The following CACNA1C variants were observed in gnomAD, a reference collection of about 807,000 sequenced individuals.
CACNA1C encodes the protein calcium voltage-gated channel subunit alpha1 C.
In CACNA1C, 30 loss-of-function variants were observed where a neutral mutation model predicts 229.0. That is an observed-to-expected ratio of 0.13 (90% CI 0.10 to 0.18). The LOEUF is 0.18. CACNA1C is among the 10% of genes least tolerant of loss of function. The pLI, the probability that CACNA1C is intolerant of heterozygous loss-of-function variation, is 1.00. For synonymous variants in CACNA1C, 1,114 were observed against 1,132.5 expected, an observed-to-expected ratio of 0.98 and a Z score of 0.33; for missense variants, 1,658 against 2,845.0, an observed-to-expected ratio of 0.58 and a Z score of 9.49.
At chr12:2,540,557 A>G (rs2099867235) in intron 9 of CACNA1C, among the ~76,000 whole-genome samples, 1 of 152,144 alleles carries the variant, frequency 6.6e-6, no homozygotes, top group Admixed American at 6.5e-5. Context: ...CCTCCCCTCC[A>G]CTGCTGTGGT....
intron 11 of CACNA1C, among the ~76,000 whole-genome samples, chr12:2,558,262 C>T (rs1309453681): frequency 6.6e-6 from 1 of 152,252 alleles, no homozygotes; most frequent in Non-Finnish European, 1.5e-5. Context: ...GATGCTTGCT[C>T]ATCTCTGCTG....
intron 3 of CACNA1C, among the ~76,000 whole-genome samples, chr12:2,313,975 C>G (rs1042890950): frequency 6.6e-6 from 1 of 152,218 alleles, no homozygotes; most frequent in East Asian, 1.9e-4. Context: ...ATATCAACAG[C>G]CTGCCTGCTG....
At chr12:2,567,864 G>A in intron 13 of CACNA1C, 70 bp downstream of exon 13, 1 of 907,490 alleles carries the variant, frequency 1.1e-6, no homozygotes, top group South Asian at 1.6e-5. Flanking sequence ...CAAGGGAGGT[G>A]GCAAGGCCTG....
At chr12:1,983,568 A>G (rs1465978940) in intron 1 of CACNA1C, among the ~76,000 whole-genome samples, 1 of 152,120 alleles carries the variant, frequency 6.6e-6, no homozygotes, top group South Asian at 2.1e-4. Context: ...ATTTAATTCT[A>G]TTGTGGTCCC....
intron 37 of CACNA1C, among the ~76,000 whole-genome samples, chr12:2,667,635 C>G (rs2096276689): frequency 6.6e-6 from 1 of 152,130 alleles, no homozygotes; most frequent in Admixed American, 6.5e-5. Context: ...AAACACCATG[C>G]AAGGCAAGGG....
chr12:2,508,157 C>A (rs1268998860), intron 8 of CACNA1C, among the ~76,000 whole-genome samples: 1 of 152,242 alleles, frequency 6.6e-6, no homozygotes, highest in East Asian at 1.9e-4. Flanking sequence ...GCACTGCAGT[C>A]TTGGAGCCTT....
At chr12:2,584,699 T>A in intron 16 of CACNA1C, 82 bp downstream of exon 16, 3 of 940,196 alleles carry the variant, frequency 3.2e-6, no homozygotes, top group Non-Finnish European at 3.3e-6. Flanking sequence ...GAGAGAGGCT[T>A]GACTGCTAGC....
intron 9 of CACNA1C, among the ~76,000 whole-genome samples, chr12:2,545,815 G>A (rs9738570): frequency 0.085 from 12,975 of 152,210 alleles, 609 homozygotes; most frequent in Non-Finnish European, 0.11. Context: ...TAGTGACCTC[G>A]CAGAGGCACA....
At chr12:2,338,365 G>A (rs73605771) in intron 3 of CACNA1C, among the ~76,000 whole-genome samples, 13,749 of 152,192 alleles carry the variant, frequency 0.09, 1,866 homozygotes, top group African/African-American at 0.29. Context: ...GGCGCCTTGT[G>A]CACAAGGGTC....
rs1021255393 is a variant in CACNA1C, at chr12:2,597,728, C to G, written c.2853+439C>G. Among the ~76,000 whole-genome samples, 8 of 152,314 alleles carry G rather than the reference C, an allele frequency of 5.3e-5. No individual in the cohort carries two copies. In the South Asian group the frequency reaches 1.5e-3, roughly 28 times the overall value. The stretch of plus-strand genomic sequence containing the variant: ...TCCCTCCAGCCACCCCTAAGCAGTC[C>G]GTGGCCTGGAAGGGACACGTGTTGG... On this transcript the variant is annotated intron_variant, in intron 21 of 46. Transcript: ENST00000399655. This position sits in a 1 kb window ranked among gnomAD's most constrained non-coding sequence, Gnocchi z 4.3.
rs1032780522 is a variant in CACNA1C at position 2,173,662 on chromosome 12, C to T, written c.477+53232C>T. On this transcript the variant is annotated intron_variant, in intron 3 of 46. Transcript: ENST00000399655. ...CTTTCTCCCCGCCTGAGCCTGTTCT[C>T]CTCAGTAGCAGGATCCAGCTCAAGC... Among the ~76,000 whole-genome samples, 4 of 152,078 alleles carry T rather than the reference C, an allele frequency of 2.6e-5. No homozygotes were observed. The South Asian group carries it at 6.2e-4, about 24-fold the overall frequency.
chr12:2,475,454 T>G (rs189992184), intron 5 of CACNA1C, among the ~76,000 whole-genome samples: 79 of 152,328 alleles, frequency 5.2e-4, no homozygotes, highest in African/African-American at 1.9e-3. Flanking sequence ...TTGTCAGATA[T>G]AGACTTGAAA....
chr12:2,390,120 G>A (rs1448751165), intron 3 of CACNA1C, among the ~76,000 whole-genome samples: 1 of 152,152 alleles, frequency 6.6e-6, no homozygotes, highest in Non-Finnish European at 1.5e-5. Context: ...CAAACTCTTT[G>A]TAGGTACGTC....
Position 2,666,820 on chromosome 12 carries a change from A to G in CACNA1C, c.4623+38A>G. On this transcript the variant is annotated intron_variant, in intron 37 of 46. Coordinates refer to ENST00000399655, the MANE Select transcript of CACNA1C (RefSeq NM_000719.7). This position sits in a 1 kb window ranked among gnomAD's most constrained non-coding sequence, Gnocchi z 5.3. ...GGGGTTCATGGGAGGGAGAGGGAAA[A>G]TAGGGGAAGTGAAGTGCCCATTTCT... The G allele has an allele frequency of 1.6e-6, 2 of 1,264,654 alleles. No homozygotes were observed. The highest frequency in any genetic ancestry group is 1.3e-5 in the South Asian group (1 of 78,722). 78.3% of individuals were successfully genotyped at this position (1,264,654 alleles called of 1,614,324 possible).
rs370536388 is a variant in CACNA1C at position 2,618,154 on chromosome 12, G to A, written c.3828+6141G>A. ...CCAGGAGTGAGCTGCTCCCAGGAAA[G>A]GGACCAGATTCTGACATTCCCCTGG... On this transcript the variant is annotated intron_variant, in intron 29 of 46. Coordinates refer to ENST00000399655, the MANE Select transcript of CACNA1C (RefSeq NM_000719.7). Among the ~76,000 whole-genome samples, 4 of 152,192 alleles carry A rather than the reference G, an allele frequency of 2.6e-5. No individual in the cohort carries two copies. In the East Asian group the frequency reaches 7.7e-4, roughly 29 times the overall value.
At chr12:2,376,124 GAGCAGCCA>G (rs1567319785) in intron 3 of CACNA1C, among the ~76,000 whole-genome samples, 2 of 152,222 alleles carry the variant, frequency 1.3e-5, no homozygotes, top group Admixed American at 1.3e-4. Context: ...TCAGTAGAAG[GAGCAGCCA>G]TGCTCAAGGC....
chr12:2,092,588 G>A (rs1273674560), intron 1 of CACNA1C, among the ~76,000 whole-genome samples: 1 of 152,222 alleles, frequency 6.6e-6, no homozygotes, highest in East Asian at 1.9e-4. Context: ...AGTTGCCAAG[G>A]ACAGTTGGCG....
intron 3 of CACNA1C, among the ~76,000 whole-genome samples, chr12:2,433,580 C>T (rs1298324781): frequency 6.6e-6 from 1 of 152,160 alleles, no homozygotes; most frequent in Non-Finnish European, 1.5e-5. Context: ...GTGAGGATAC[C>T]TCATGGCATC....
chr12:2,399,527 C>G (rs1288568026), intron 3 of CACNA1C, among the ~76,000 whole-genome samples: 5 of 152,178 alleles, frequency 3.3e-5, no homozygotes, highest in Non-Finnish European at 7.3e-5. Context: ...TCCAACCATC[C>G]CCGGCTGAAC....
Sources: gnomAD v4.1 joint callset for allele counts (sites outside exome capture counted in the v4.1 genomes callset) on GRCh38, gnomAD v4.1.1 for gene constraint, Gnocchi (gnomAD v3.1) non-coding constraint, MANE v1.5 for transcripts, NCBI Gene and HGNC (gene_info 2026-07-23, HGNC 2026-07-21) for gene names.